Variants in CSMD1 observed in about 807,000 individuals in gnomAD.
The protein encoded by CSMD1 is CUB and Sushi multiple domains 1.
CSMD1 carries 213 observed loss-of-function variants against 417.5 expected under a neutral mutation model. The ratio of observed to expected loss-of-function variants is 0.51; its 90% CI spans 0.46 to 0.57. The LOEUF (loss-of-function observed/expected upper bound fraction) is 0.57. Among genes scored for constraint, CSMD1 ranks in the 20% least tolerant of loss-of-function variants. The probability of loss-of-function intolerance (pLI) is 0.00; values close to 1 mark genes in which losing one functional copy is unlikely to be tolerated. For missense variants in CSMD1, 6,923 were observed against 4,529.7 expected (o/e 1.53, Z -15.17); for synonymous variants, 2,862 against 1,736.8 (o/e 1.65, Z -16.11).
At chr8:4,253,648 A>C (rs1206724097) in intron 3 of CSMD1, among the ~76,000 whole-genome samples, 2 of 152,176 alleles carry the variant, frequency 1.3e-5, no homozygotes, top group Non-Finnish European at 2.9e-5. Flanking sequence ...GATCTACTTA[A>C]TAGACACACA....
At chr8:4,211,986 T>C (rs1435363626) in intron 3 of CSMD1, among the ~76,000 whole-genome samples, 2 of 152,116 alleles carry the variant, frequency 1.3e-5, no homozygotes, top group Non-Finnish European at 2.9e-5. Flanking sequence ...GTATGTCTTC[T>C]GTTATAAAAT....
intron 3 of CSMD1, among the ~76,000 whole-genome samples, chr8:4,303,300 T>C (rs13277586): frequency 0.74 from 111,773 of 151,652 alleles, 41,364 homozygotes; most frequent in East Asian, 0.85. Context: ...TTTACTTAGT[T>C]ATAACCTGGC....
At chr8:3,601,593 G>A (rs372952344) in intron 8 of CSMD1, among the ~76,000 whole-genome samples, 2 of 152,116 alleles carry the variant, frequency 1.3e-5, no homozygotes, top group Admixed American at 6.6e-5. Context: ...ACAATCTACT[G>A]TAGAATAAGA....
intron 3 of CSMD1, among the ~76,000 whole-genome samples, chr8:4,116,892 G>A (rs991655770): frequency 6.6e-6 from 1 of 152,026 alleles, no homozygotes; most frequent in East Asian, 1.9e-4. Context: ...TAAGCTTTCT[G>A]AAATCAGAAA....
At chr8:4,082,949 A>AT (rs563597007) in intron 3 of CSMD1, among the ~76,000 whole-genome samples, 1 of 151,736 alleles carries the variant, frequency 6.6e-6, no homozygotes, top group South Asian at 2.1e-4. Context: ...TGAACTCACC[A>AT]TTTTTTATGG....
At position 3,697,178 on chromosome 8, in the gene CSMD1, G is replaced by A. The variant is rs182584152; in HGVS notation, c.1009+11236C>T. 1.0e-3 allele frequency among the ~76,000 whole-genome samples: 157 copies of A among 152,242 alleles called. 2 individuals carry two copies. Among genetic ancestry groups the A allele is most frequent in the Non-Finnish European group, 1.0e-3 (70 of 68,012 alleles). Reference sequence around the variant, plus strand: ...TTGTTTTTGAAACTTTTCATTCAGTGAGGCTAAATTATCAAGTCTGGGCAA... The same window carrying A: ...TTGTTTTTGAAACTTTTCATTCAGTAAGGCTAAATTATCAAGTCTGGGCAA... On this transcript the variant is annotated intron_variant, in intron 7 of 69. Coordinates refer to ENST00000635120, the MANE Select transcript of CSMD1 (RefSeq NM_033225.6).
rs541777577 is a variant in CSMD1, at chr8:4,207,531, T to A, written c.416-175432A>T. 9.1e-4 allele frequency among the ~76,000 whole-genome samples: 139 copies of A among 152,288 alleles called. 1 individual carries two copies. Among genetic ancestry groups the A allele is most frequent in the African/African-American group, 3.1e-3 (128 of 41,572 alleles). ...ATATTTCTTAAACTGAAGTTTTAGTTTCAAATGTCCATCAATAGAAAATAA... is the reference window on the plus strand; with the variant it reads ...ATATTTCTTAAACTGAAGTTTTAGTATCAAATGTCCATCAATAGAAAATAA... On this transcript the variant is annotated intron_variant, in intron 3 of 69. Transcript: ENST00000635120.
intron 1 of CSMD1, among the ~76,000 whole-genome samples, chr8:4,711,892 A>T (rs1309540016): frequency 6.6e-6 from 1 of 152,214 alleles, no homozygotes; most frequent in Admixed American, 6.5e-5. Context: ...AAATAATACC[A>T]GCTGGATTAA....
chr8:4,928,284 C>G (rs1042030539), intron 1 of CSMD1, among the ~76,000 whole-genome samples: 4 of 152,214 alleles, frequency 2.6e-5, no homozygotes, highest in Non-Finnish European at 4.4e-5. Flanking sequence ...CTGTCCTGAC[C>G]TCCCATATGT....
intron 6 of CSMD1, among the ~76,000 whole-genome samples, chr8:3,713,763 C>G (rs1393662701): frequency 6.6e-6 from 1 of 152,184 alleles, no homozygotes; most frequent in Non-Finnish European, 1.5e-5. Context: ...CAAATCCTCA[C>G]AAATCACAGA....
chr8:4,252,421 G>T (rs1362025737), intron 3 of CSMD1, among the ~76,000 whole-genome samples: 1 of 152,158 alleles, frequency 6.6e-6, no homozygotes, highest in Non-Finnish European at 1.5e-5. Flanking sequence ...CTGAGACTTG[G>T]GAAGAAATAA....
chr8:3,060,406 C>T (rs111412990), intron 49 of CSMD1, among the ~76,000 whole-genome samples: 5,245 of 151,984 alleles, frequency 0.035, 123 homozygotes, highest in Admixed American at 0.059. Context: ...TCCTGAACTC[C>T]TTGAACTCCT....
intron 6 of CSMD1, among the ~76,000 whole-genome samples, chr8:3,745,075 G>A (rs921915298): frequency 2.0e-5 from 3 of 152,218 alleles, no homozygotes; most frequent in South Asian, 2.1e-4. Context: ...CAACCATTAT[G>A]GACATACAAG....
At chr8:3,641,429 A>C (rs1169123981) in intron 7 of CSMD1, among the ~76,000 whole-genome samples, 2 of 152,184 alleles carry the variant, frequency 1.3e-5, no homozygotes, top group Non-Finnish European at 2.9e-5. Flanking sequence ...TTCTTCTTAT[A>C]ACCCACATCA....
chr8:3,862,867 T>C (rs1033149225), intron 5 of CSMD1, among the ~76,000 whole-genome samples: 2 of 152,192 alleles, frequency 1.3e-5, no homozygotes, highest in African/African-American at 2.4e-5. Context: ...ATTAGTTTTA[T>C]GCTATTATTA....
intron 11 of CSMD1, among the ~76,000 whole-genome samples, chr8:3,472,127 G>T (rs538133270): frequency 6.6e-6 from 1 of 152,056 alleles, no homozygotes; most frequent in Non-Finnish European, 1.5e-5. Context: ...TGGGCAATCT[G>T]ATAATGCTTG....
intron 3 of CSMD1, among the ~76,000 whole-genome samples, chr8:4,316,708 A>G (rs1290912219): frequency 6.6e-6 from 1 of 152,084 alleles, no homozygotes; most frequent in Non-Finnish European, 1.5e-5. Context: ...ATGTGTTTCA[A>G]AATAATGGGA....
intron 49 of CSMD1, among the ~76,000 whole-genome samples, chr8:3,053,548 G>A (rs1259357999): frequency 6.6e-6 from 1 of 152,082 alleles, no homozygotes; most frequent in Non-Finnish European, 1.5e-5. Context: ...AGATTCCCAG[G>A]GCAGAAGGCA....
chr8:4,678,835 A>G (rs1435294062), intron 1 of CSMD1, among the ~76,000 whole-genome samples: 1 of 152,198 alleles, frequency 6.6e-6, no homozygotes, highest in Non-Finnish European at 1.5e-5. Flanking sequence ...TTTGCTATCA[A>G]TGTTTCCTCA....
Sources: gnomAD v4.1 joint callset for allele counts (sites outside exome capture counted in the v4.1 genomes callset) on GRCh38, gnomAD v4.1.1 for gene constraint, MANE v1.5 for transcripts, NCBI Gene and HGNC (gene_info 2026-07-23, HGNC 2026-07-21) for gene names.